Variants in ARIH1 observed in about 807,000 individuals in gnomAD.
ARIH1 encodes the protein ariadne RBR E3 ubiquitin protein ligase 1.
A neutral mutation model predicts 85.0 loss-of-function variants in ARIH1; 8 were observed. The observed-to-expected ratio is 0.09, with a 90% CI of 0.06 to 0.17. The LOEUF is 0.17. Ranked by LOEUF, ARIH1 falls within the 10% of genes least tolerant of loss-of-function variation. The probability of loss-of-function intolerance (pLI) is 1.00; values close to 1 mark genes in which losing one functional copy is unlikely to be tolerated. For missense variants in ARIH1, 311 were observed against 718.1 expected (o/e 0.43, Z 6.48); for synonymous variants, 238 against 253.6 (o/e 0.94, Z 0.59).
At chr15:72,505,448 A>G (rs2063920603) in intron 1 of ARIH1, among the ~76,000 whole-genome samples, 1 of 152,054 alleles carries the variant, frequency 6.6e-6, no homozygotes, top group Non-Finnish European at 1.5e-5. Context: ...TAATGGCTGC[A>G]TAATATTTCA....
chr15:72,564,824 A>C (rs576923696), intron 7 of ARIH1, among the ~76,000 whole-genome samples: 3 of 152,278 alleles, frequency 2.0e-5, no homozygotes, highest in African/African-American at 7.2e-5. Flanking sequence ...ATATGGTGGA[A>C]AGGACAAGGC....
intron 1 of ARIH1, among the ~76,000 whole-genome samples, chr15:72,479,516 C>T (rs927282213): frequency 1.3e-5 from 2 of 151,752 alleles, no homozygotes; most frequent in East Asian, 1.9e-4. Flanking sequence ...TCAAGCGATT[C>T]TCCTGCCTCA....
intron 1 of ARIH1, among the ~76,000 whole-genome samples, chr15:72,514,460 C>CT (rs2063965337): frequency 6.6e-6 from 1 of 152,016 alleles, no homozygotes; most frequent in Non-Finnish European, 1.5e-5. Flanking sequence ...AATCCCAGCA[C>CT]TTTGGGAGGT....
At chr15:72,514,021 G>T (rs1254833351) in intron 1 of ARIH1, among the ~76,000 whole-genome samples, 1 of 150,654 alleles carries the variant, frequency 6.6e-6, no homozygotes, top group African/African-American at 2.5e-5. Context: ...TGTAGTTTTT[G>T]TAGAGATGGG....
In ARIH1 at chr15:72,600,532, T is replaced by A. The variant is rs1170284226; in HGVS notation, c.*17240T>A. On this transcript the variant is annotated 3_prime_UTR_variant, in exon 14 of 14. Coordinates refer to ENST00000379887, the MANE Select transcript of ARIH1 (RefSeq NM_005744.5). ...CCAAGTAGCTAGGACTACAGACACA[T>A]GCCATCATGCCAGGCTCATTTTAAA... The A allele has an allele frequency of 6.6e-6, 1 of 152,162 alleles. No homozygotes were observed. The highest frequency in any genetic ancestry group is 2.4e-5 in the African/African-American group (1 of 41,412). 9.4% of individuals were successfully genotyped at this position (152,162 alleles called of 1,614,324 possible).
intron 1 of ARIH1, among the ~76,000 whole-genome samples, chr15:72,490,884 G>A (rs1473019818): frequency 2.0e-5 from 3 of 152,122 alleles, no homozygotes; most frequent in Non-Finnish European, 2.9e-5. Context: ...TTGGGAGGCC[G>A]AGGTGGGCAG....
chr15:72,486,345 C>T (rs573679290), intron 1 of ARIH1, among the ~76,000 whole-genome samples: 6 of 152,276 alleles, frequency 3.9e-5, no homozygotes, highest in South Asian at 2.1e-4. Flanking sequence ...TGAATCATCC[C>T]TTTATCCAGT....
At chr15:72,567,244 A>T (rs754856354) in intron 9 of ARIH1, 67 bp downstream of exon 9, 71 of 1,312,162 alleles carry the variant, frequency 5.4e-5, no homozygotes, top group Admixed American at 2.4e-4. Context: ...GGCATTAGCA[A>T]AAGCAATGAG....
intron 1 of ARIH1, among the ~76,000 whole-genome samples, chr15:72,483,442 G>A (rs2063824373): frequency 1.3e-5 from 2 of 152,188 alleles, no homozygotes; most frequent in African/African-American, 4.8e-5. Context: ...TGTTGTAAGT[G>A]AATAACCAAA....
At chr15:72,549,535 C>G (rs1158378658) in intron 3 of ARIH1, among the ~76,000 whole-genome samples, 2 of 152,180 alleles carry the variant, frequency 1.3e-5, no homozygotes, top group African/African-American at 4.8e-5. Context: ...CTTGGTGCTG[C>G]TGGAAACTGC....
intron 2 of ARIH1, among the ~76,000 whole-genome samples, chr15:72,527,819 T>G (rs964433215): frequency 2.0e-5 from 3 of 152,226 alleles, no homozygotes; most frequent in Non-Finnish European, 4.4e-5. Flanking sequence ...GTTTATTTGA[T>G]TTAGTATTTT....
chr15:72,578,636 C>CA (rs1195926625), intron 11 of ARIH1, among the ~76,000 whole-genome samples: 5 of 151,636 alleles, frequency 3.3e-5, no homozygotes, highest in African/African-American at 4.8e-5. Context: ...GGCAAACCTC[C>CA]AAAAAATATT....
At position 72,499,099 on chromosome 15, in the gene ARIH1, T is replaced by G. The variant is rs2063892454; in HGVS notation, c.376-18968T>G. On this transcript the variant is annotated intron_variant, in intron 1 of 13. Coordinates refer to ENST00000379887, the MANE Select transcript of ARIH1 (RefSeq NM_005744.5). ...GGGTTCAAGCCATTCTCCCGCCTCA[T>G]CCTCCTGAGTAGCTGGGAGGCGCAC... 2.7e-5 allele frequency among the ~76,000 whole-genome samples: 4 copies of G among 149,222 alleles called. No individual in the cohort carries two copies. In the Admixed American group the frequency reaches 2.7e-4, roughly 10 times the overall value.
At chr15:72,570,080 G>A in intron 9 of ARIH1, 97 bp from the exon 10 acceptor site, 1 of 1,395,354 alleles carries the variant, frequency 7.2e-7, no homozygotes, top group South Asian at 1.3e-5. Context: ...TAAATAAAAT[G>A]TTTAAAAACA....
Position 72,474,832 on chromosome 15 carries a change from G to C in ARIH1, c.193G>C (p.Glu65Gln). ...GGAGCGGGACGGACTGCTGTGCGGG[G>C]AGACGGGCGGTGGCGGCGGCAGCGC... is the stretch of plus-strand genomic sequence containing the variant. The part of the protein sequence containing the change: ...GGERDGLLCG[E>Q]TGGGGGSALG... The change falls in exon 1 of 14, where the codon GAG (glutamate) becomes CAG (glutamine). Residue 65 changes from glutamate (E) to glutamine (Q), a missense_variant. Glu to Gln is a conservative substitution (Grantham distance 29, BLOSUM62 2). Transcript: ENST00000379887. 1 of 1,401,080 alleles carries C rather than the reference G, an allele frequency of 7.1e-7. No homozygotes were observed. Among genetic ancestry groups the C allele is most frequent in the Non-Finnish European group, 9.3e-7 (1 of 1,078,848 alleles). 86.8% of individuals were successfully genotyped at this position (1,401,080 alleles called of 1,614,324 possible).
intron 1 of ARIH1, among the ~76,000 whole-genome samples, chr15:72,503,446 G>C (rs1266774539): frequency 6.6e-6 from 1 of 152,168 alleles, no homozygotes; most frequent in Non-Finnish European, 1.5e-5. Flanking sequence ...TCTGCCATGT[G>C]TTCTTGGATT....
At chr15:72,516,631 G>A (rs923770644) in intron 1 of ARIH1, among the ~76,000 whole-genome samples, 2 of 152,180 alleles carry the variant, frequency 1.3e-5, no homozygotes, top group Non-Finnish European at 1.5e-5. Context: ...GAAGTAAGGA[G>A]TACCTAGATT....
chr15:72,582,246 A>G lies in ARIH1; in HGVS notation c.1589+59A>G, dbSNP rs2064298031. Reference sequence around the variant, plus strand: ...CTGCCAGTGATGATCCTTACTGGTAAAGTTCAGTGATAGTGAAACTGGGTT... The same window carrying G: ...CTGCCAGTGATGATCCTTACTGGTAGAGTTCAGTGATAGTGAAACTGGGTT... On this transcript the variant is annotated intron_variant, in intron 13 of 13. Transcript: ENST00000379887. The surrounding 1 kb of genome is among the most constrained non-coding windows in gnomAD (Gnocchi z 4.6). 12 of 1,175,586 alleles carry G rather than the reference A, an allele frequency of 1.0e-5. 1 individual carries two copies. The highest frequency in any genetic ancestry group is 2.0e-4 in the Middle Eastern group (1 of 5,050). The allele number at this position is 1,175,586 out of a possible 1,614,324, so 72.8% of individuals were successfully genotyped here.
intron 7 of ARIH1, 82 bp downstream of exon 7, chr15:72,563,582 A>G (rs537241815): frequency 2.1e-5 from 25 of 1,196,776 alleles, no homozygotes; most frequent in African/African-American, 4.5e-5. Context: ...AAAATAGCAG[A>G]AAAAAAGTGT....
Sources: allele counts gnomAD v4.1 joint callset (sites outside exome capture counted in the v4.1 genomes callset), GRCh38; gene constraint gnomAD v4.1.1; non-coding constraint Gnocchi (gnomAD v3.1); transcripts MANE v1.5; gene names NCBI Gene and HGNC (gene_info 2026-07-23, HGNC 2026-07-21).